The following SNX18 variants were observed in gnomAD, a reference collection of about 807,000 sequenced individuals.
The protein encoded by SNX18 is sorting nexin 18, also known as sorting nexin-18.
A neutral mutation model predicts 48.7 loss-of-function variants in SNX18; 35 were observed. The observed-to-expected ratio is 0.72, with a 90% CI of 0.55 to 0.95. SNX18 has a LOEUF of 0.95. SNX18 is among the 40% of genes least tolerant of loss of function. The pLI is 0.00. For missense variants in SNX18, 824 were observed against 871.0 expected, an observed-to-expected ratio of 0.95 and a Z score of 0.68; for synonymous variants, 492 against 384.7, an observed-to-expected ratio of 1.28 and a Z score of -3.26.
intron 1 of SNX18, among the ~76,000 whole-genome samples, chr5:54,524,431 G>T (rs993543031): frequency 6.6e-6 from 1 of 152,190 alleles, no homozygotes; most frequent in Non-Finnish European, 1.5e-5. Flanking sequence ...AGGTTTCCTT[G>T]TTCAGCAATG....
At chr5:54,640,193 C>A in the SNX18 span, among the ~76,000 whole-genome samples, 1 of 150,656 alleles carries the variant, frequency 6.6e-6, no homozygotes, top group Admixed American at 6.6e-5. Context: ...AAGTTCATCA[C>A]TGTCTAGAAA....
At chr5:54,571,448 G>A in the SNX18 span, among the ~76,000 whole-genome samples, 3 of 152,236 alleles carry the variant, frequency 2.0e-5, no homozygotes, top group East Asian at 5.8e-4. Flanking sequence ...TACCTGCTCT[G>A]GACACAACTG....
Position 54,519,185 on chromosome 5 carries a change from T to C in SNX18, c.1233T>C (p.Leu411=). The C allele has an allele frequency of 1.9e-6, 3 of 1,613,668 alleles. No homozygotes were observed. Among genetic ancestry groups the C allele is most frequent in the Non-Finnish European group, 2.5e-6 (3 of 1,179,832 alleles). ...TGGGCGCCAACTTCTTCCTGACCCT[T>C]AGCACGCCCCCCGCCGCTGCCCTTG... is the stretch of plus-strand genomic sequence containing the variant. The part of the protein sequence containing the change: ...EMVGANFFLT[L]STPPAAALDL... The change falls in exon 1 of 2, where the codon CTT becomes CTC. Residue 411 remains leucine (L), a synonymous_variant. Transcript: ENST00000381410.
At chr5:54,599,191 T>C in the SNX18 span, among the ~76,000 whole-genome samples, 1 of 152,178 alleles carries the variant, frequency 6.6e-6, no homozygotes, top group African/African-American at 2.4e-5. Context: ...GCTGGCCTCA[T>C]AGAATGTGTT....
downstream of SNX18, among the ~76,000 whole-genome samples, chr5:54,549,281 A>G (rs1762618423): frequency 6.6e-6 from 1 of 152,160 alleles, no homozygotes; most frequent in African/African-American, 2.4e-5. Context: ...TAATAAGAAC[A>G]TTGTGTCACC....
the SNX18 span, among the ~76,000 whole-genome samples, chr5:54,570,646 T>C: frequency 6.6e-6 from 1 of 152,214 alleles, no homozygotes; most frequent in African/African-American, 2.4e-5. Context: ...AGCACAGTTA[T>C]GGAGTTAGCT....
At chr5:54,519,897 A>T in intron 1 of SNX18, 1 of 1,392,310 alleles carries the variant, frequency 7.2e-7, no homozygotes, top group Non-Finnish European at 9.8e-7. Context: ...CGAGGGTAGA[A>T]TTAGAAGGGG....
chr5:54,603,143 A>G, the SNX18 span, among the ~76,000 whole-genome samples: 1 of 151,116 alleles, frequency 6.6e-6, no homozygotes, highest in South Asian at 2.1e-4. Context: ...AATTTATTTC[A>G]TATAATGTAG....
the SNX18 span, among the ~76,000 whole-genome samples, chr5:54,560,459 A>C: frequency 6.6e-6 from 1 of 152,108 alleles, no homozygotes; most frequent in Non-Finnish European, 1.5e-5. Flanking sequence ...AACAACACAC[A>C]CTGGGGCCTA....
At chr5:54,524,149 C>G (rs997280605) in intron 1 of SNX18, among the ~76,000 whole-genome samples, 1 of 152,132 alleles carries the variant, frequency 6.6e-6, no homozygotes, top group African/African-American at 2.4e-5. Context: ...ACCCTTTGCC[C>G]CAGTTTGTGT....
intron 1 of SNX18, among the ~76,000 whole-genome samples, chr5:54,525,160 C>T (rs1451112688): frequency 2.6e-5 from 4 of 152,200 alleles, no homozygotes; most frequent in African/African-American, 9.7e-5. Context: ...GGCACTTCCT[C>T]ACGAGGTCAG....
the SNX18 span, among the ~76,000 whole-genome samples, chr5:54,560,009 C>A: frequency 2.0e-5 from 3 of 151,924 alleles, no homozygotes; most frequent in Non-Finnish European, 2.9e-5. Flanking sequence ...ACAATGAGAA[C>A]TAATTTACAC....
At chr5:54,556,433 A>G in the SNX18 span, among the ~76,000 whole-genome samples, 5 of 152,182 alleles carry the variant, frequency 3.3e-5, no homozygotes, top group African/African-American at 1.2e-4. Context: ...GCAAAGTCTC[A>G]TGGAATCTTT....
At chr5:54,645,013 G>A in the SNX18 span, 1 of 152,206 alleles carries the variant, frequency 6.6e-6, no homozygotes, top group Non-Finnish European at 1.5e-5. Flanking sequence ...AATGAGTGAC[G>A]ATCGGCTTTG....
the SNX18 span, among the ~76,000 whole-genome samples, chr5:54,625,390 C>T: frequency 6.6e-6 from 1 of 152,206 alleles, no homozygotes; most frequent in African/African-American, 2.4e-5. Flanking sequence ...AGATCTGCTT[C>T]TAAGCTCGCT....
At position 54,544,638 on chromosome 5, in the gene SNX18, C is replaced by G. The variant is rs1007164279; in HGVS notation, c.*1206C>G. The G allele has an allele frequency of 9.1e-5, 11 of 120,982 alleles. 1 individual carries two copies. The highest frequency in any genetic ancestry group is 3.4e-4 in the Admixed American group (4 of 11,698). 7.5% of individuals were successfully genotyped at this position (120,982 alleles called of 1,614,324 possible). ...AAAAAAAAAAAGGTATTGATGAGCC[C>G]CCCCCCCCCAGGACATTTAACCTTA... On this transcript the variant is annotated 3_prime_UTR_variant, in exon 2 of 2. Coordinates refer to ENST00000381410, the MANE Select transcript of SNX18 (RefSeq NM_001102575.2).
At chr5:54,526,424 T>C (rs891001496) in intron 1 of SNX18, among the ~76,000 whole-genome samples, 3 of 152,180 alleles carry the variant, frequency 2.0e-5, no homozygotes, top group African/African-American at 7.2e-5. Flanking sequence ...ATTGATCTTA[T>C]AGCTTGATTA....
At chr5:54,578,552 G>A in the SNX18 span, among the ~76,000 whole-genome samples, 1 of 152,242 alleles carries the variant, frequency 6.6e-6, no homozygotes, top group African/African-American at 2.4e-5. Context: ...CATGAAGACA[G>A]AGGAGCAGAA....
intron 1 of SNX18, among the ~76,000 whole-genome samples, chr5:54,524,347 C>T (rs1462444765): frequency 6.6e-6 from 1 of 152,122 alleles, no homozygotes; most frequent in African/African-American, 2.4e-5. Context: ...AGAGTCATGC[C>T]GACCACAGTG....
Sources: allele counts gnomAD v4.1 joint callset (sites outside exome capture counted in the v4.1 genomes callset), GRCh38; gene constraint gnomAD v4.1.1; transcripts MANE v1.5; gene names NCBI Gene and HGNC (gene_info 2026-07-23, HGNC 2026-07-21).